Variants in JMY observed in about 807,000 individuals in gnomAD.
The protein encoded by JMY is junction-mediating and -regulatory protein.
JMY carries 46 observed loss-of-function variants against 103.3 expected under a neutral mutation model. That is an observed-to-expected ratio of 0.45 (90% confidence interval 0.35 to 0.57). The LOEUF (loss-of-function observed/expected upper bound fraction) is 0.57, where lower values mean the gene tolerates loss of function less well. Among genes scored for constraint, JMY ranks in the 20% least tolerant of loss-of-function variants. JMY has a pLI of 0.00. For missense variants in JMY, 1,238 were observed against 1,255.2 expected, an observed-to-expected ratio of 0.99 and a Z score of 0.21; for synonymous variants, 526 against 489.3, an observed-to-expected ratio of 1.07 and a Z score of -0.99.
In JMY at chr5:79,270,548, G is replaced by GTATATTTACATAAGTATTTACATAAAATA. The variant is rs1561297843; in HGVS notation, c.1033-7349_1033-7348insGTATTTACATAAAATATATATTTACATAA. ...ATATATTTACATAAATATTTAAAATGTATATTTACATAAATATTTAAAATG... is the reference window on the plus strand; with the variant it reads ...ATATATTTACATAAATATTTAAAATGTATATTTACATAAGTATTTACATAAAATATATATTTACATAAATATTTAAAATG... On this transcript the variant is annotated intron_variant, in intron 1 of 10. Coordinates refer to ENST00000396137, the MANE Select transcript of JMY (RefSeq NM_152405.5). Among the ~76,000 whole-genome samples, 203 of 28,994 alleles carry GTATATTTACATAAGTATTTACATAAAATA rather than the reference G, an allele frequency of 7.0e-3. 83 individuals carry two copies. The highest frequency in any genetic ancestry group is 0.015 in the Non-Finnish European group (147 of 9,604). The allele number at this position is 28,994 out of a possible 152,430, so 19.0% of individuals were successfully genotyped here. A position where few individuals can be genotyped will look rare whatever the true frequency, so the allele number is the denominator to read the frequency against.
In JMY at chr5:79,314,636, C is replaced by CCCCAAA; in HGVS notation, c.2444_2445insCCCAAA (p.Pro816_Pro817insLysPro). The stretch of plus-strand genomic sequence containing the variant: ...CTTCCTCCAACACCACCACCTCCCC[C>CCCCAAA]ACCTCCTCCCCCTCCCCCACCACCA... On this transcript the variant is annotated inframe_insertion, in exon 9 of 11. Coordinates refer to ENST00000396137, the MANE Select transcript of JMY (RefSeq NM_152405.5). 6.7e-7 allele frequency: 1 copy of CCCCAAA among 1,502,600 alleles called. No individual in the cohort carries two copies. Among genetic ancestry groups the CCCCAAA allele is most frequent in the Non-Finnish European group, 9.2e-7 (1 of 1,090,280 alleles). 93.1% of individuals were successfully genotyped at this position (1,502,600 alleles called of 1,614,324 possible). A position where few individuals can be genotyped will look rare whatever the true frequency, so the allele number is the denominator to read the frequency against.
At chr5:79,257,377 C>T (rs560588825) in intron 1 of JMY, among the ~76,000 whole-genome samples, 70 of 152,142 alleles carry the variant, frequency 4.6e-4, no homozygotes, top group African/African-American at 1.6e-3. Context: ...CTGAGGTGAG[C>T]GGATTGCTTG....
chr5:79,244,894 G>T (rs1309497116), intron 1 of JMY, among the ~76,000 whole-genome samples: 1 of 151,636 alleles, frequency 6.6e-6, no homozygotes, highest in African/African-American at 2.4e-5. Context: ...TCTTTTAGGG[G>T]ACTTGATAAT....
rs1429023390 is a variant in JMY at position 79,322,464 on chromosome 5, A to G, written c.*862A>G. On this transcript the variant is annotated 3_prime_UTR_variant, in exon 11 of 11. Transcript: ENST00000396137. ...ATGACTTTCCTATTGAGAATCAAAA[A>G]TCAAGATTCAATCATAGGGATGCAG... 6.6e-6 allele frequency: 1 copy of G among 152,210 alleles called. No individual in the cohort carries two copies. Among genetic ancestry groups the G allele is most frequent in the African/African-American group, 2.4e-5 (1 of 41,454 alleles). 9.4% of individuals were successfully genotyped at this position (152,210 alleles called of 1,614,324 possible).
At chr5:79,310,057 CTTTTTTTTTTTTT>C (rs55994052) in intron 7 of JMY, among the ~76,000 whole-genome samples, 44 of 73,682 alleles carry the variant, frequency 6.0e-4, no homozygotes, top group African/African-American at 2.4e-3. Flanking sequence ...CTTTCTTTTC[CTTTTTTTTTTTTT>C]TTTTTTTTTT....
chr5:79,307,888 A>G (rs1395387939), intron 7 of JMY, among the ~76,000 whole-genome samples: 2 of 152,154 alleles, frequency 1.3e-5, no homozygotes, highest in Non-Finnish European at 1.5e-5. Context: ...ACAGACATGC[A>G]TCACCACGCC....
chr5:79,248,245 G>A (rs773808946), intron 1 of JMY, among the ~76,000 whole-genome samples: 2 of 151,566 alleles, frequency 1.3e-5, no homozygotes, highest in Non-Finnish European at 2.9e-5. Flanking sequence ...GGCCAGGCTG[G>A]TCTCGAACTC....
chr5:79,303,270 A>G (rs1458248148), intron 6 of JMY, among the ~76,000 whole-genome samples: 9 of 152,032 alleles, frequency 5.9e-5, no homozygotes, highest in Non-Finnish European at 1.2e-4. Context: ...GGGGCTCACT[A>G]TGTTGCCCAG....
chr5:79,300,992 C>G (rs747570785), intron 6 of JMY, 129 bp downstream of exon 6: 1 of 685,368 alleles, frequency 1.5e-6, no homozygotes, highest in Non-Finnish European at 2.4e-6. Flanking sequence ...GTGCTCAATG[C>G]GTTTATAGTG....
At chr5:79,266,700 G>A (rs1745597126) in intron 1 of JMY, among the ~76,000 whole-genome samples, 1 of 151,916 alleles carries the variant, frequency 6.6e-6, no homozygotes, top group African/African-American at 2.4e-5. Flanking sequence ...CTGTATTTTT[G>A]TATCCATTAA....
At chr5:79,262,137 C>T (rs1745442410) in intron 1 of JMY, among the ~76,000 whole-genome samples, 1 of 152,214 alleles carries the variant, frequency 6.6e-6, no homozygotes, top group Non-Finnish European at 1.5e-5. Context: ...GTTGTATTCT[C>T]ATTCAGATCC....
intron 1 of JMY, among the ~76,000 whole-genome samples, chr5:79,253,396 G>A (rs549394049): frequency 9.9e-4 from 150 of 152,008 alleles, no homozygotes; most frequent in Middle Eastern, 3.4e-3. Flanking sequence ...GGGTTCAAGC[G>A]ATTCTTCTGC....
At chr5:79,263,579 A>G (rs1561294789) in intron 1 of JMY, among the ~76,000 whole-genome samples, 1 of 152,124 alleles carries the variant, frequency 6.6e-6, no homozygotes, top group East Asian at 1.9e-4. Context: ...TTTTTTGTGG[A>G]GACAGGGTTT....
At chr5:79,317,666 T>C (rs1747280897) in intron 10 of JMY, among the ~76,000 whole-genome samples, 2 of 152,146 alleles carry the variant, frequency 1.3e-5, no homozygotes, top group Admixed American at 1.3e-4. Context: ...AATAATTAAT[T>C]CATGTGTTAG....
In JMY at chr5:79,312,086, G is replaced by T. The variant is rs185652451; in HGVS notation, c.1969-317G>T. Among the ~76,000 whole-genome samples, 532 of 152,156 alleles carry T rather than the reference G, an allele frequency of 3.5e-3. 3 individuals carry two copies. Among genetic ancestry groups the T allele is most frequent in the Non-Finnish European group, 4.3e-3 (295 of 68,000 alleles). On this transcript the variant is annotated intron_variant, in intron 7 of 10. Coordinates refer to ENST00000396137, the MANE Select transcript of JMY (RefSeq NM_152405.5). ...CCCGCCTCAGCCTCCCAAAGTGCTA[G>T]GATTATAGGTGTGAGCCACCGTGTC...
intron 2 of JMY, among the ~76,000 whole-genome samples, chr5:79,283,725 A>G (rs1746188312): frequency 6.6e-6 from 1 of 152,210 alleles, no homozygotes; most frequent in Non-Finnish European, 1.5e-5. Flanking sequence ...CTGAAACTCT[A>G]GGAATGGACC....
intron 1 of JMY, among the ~76,000 whole-genome samples, chr5:79,274,801 G>A (rs551955176): frequency 6.6e-5 from 10 of 152,280 alleles, no homozygotes; most frequent in African/African-American, 1.9e-4. Flanking sequence ...ATGATAAATT[G>A]TAGAGCCTCT....
At chr5:79,243,532 T>G (rs949772678) in intron 1 of JMY, among the ~76,000 whole-genome samples, 4 of 152,174 alleles carry the variant, frequency 2.6e-5, no homozygotes, top group African/African-American at 9.7e-5. Flanking sequence ...AAATAGGATA[T>G]TACATGTTGA....
chr5:79,260,091 C>T (rs1745376051), intron 1 of JMY, among the ~76,000 whole-genome samples: 1 of 152,228 alleles, frequency 6.6e-6, no homozygotes, highest in Admixed American at 6.5e-5. Flanking sequence ...GGTCGAGGTA[C>T]AGGTGGCATG....
Sources: gnomAD v4.1 joint callset for allele counts (sites outside exome capture counted in the v4.1 genomes callset) on GRCh38, gnomAD v4.1.1 for gene constraint, MANE v1.5 for transcripts, NCBI Gene and HGNC (gene_info 2026-07-23, HGNC 2026-07-21) for gene names.